The following BNC2 variants were observed in gnomAD, a reference collection of about 807,000 sequenced individuals.
The protein encoded by BNC2 is zinc finger protein basonuclin-2.
Under a neutral mutation model 76.3 loss-of-function variants are expected in BNC2, and 20 were observed. That is an observed-to-expected ratio of 0.26 (90% CI 0.18 to 0.38). The LOEUF (loss-of-function observed/expected upper bound fraction) is 0.38, where lower values mean the gene tolerates loss of function less well. BNC2 is among the 10% of genes least tolerant of loss of function. The pLI is 1.00. For synonymous variants in BNC2, 582 were observed against 514.8 expected, an observed-to-expected ratio of 1.13 and a Z score of -1.77; for missense variants, 1,382 against 1,399.8, an observed-to-expected ratio of 0.99 and a Z score of 0.20.
At chr9:16,657,847 G>A (rs1439718238) in intron 3 of BNC2, among the ~76,000 whole-genome samples, 4 of 152,160 alleles carry the variant, frequency 2.6e-5, no homozygotes, top group Admixed American at 1.3e-4. Flanking sequence ...AGCATAATTT[G>A]TGGGGGCTAC....
At chr9:16,739,853 T>C (rs1824789613) in intron 1 of BNC2, among the ~76,000 whole-genome samples, 1 of 152,232 alleles carries the variant, frequency 6.6e-6, no homozygotes, top group African/African-American at 2.4e-5. Flanking sequence ...ATGGTAGCAT[T>C]ATCAACAGAA....
chr9:16,614,292 C>T (rs1371417307), intron 3 of BNC2, among the ~76,000 whole-genome samples: 10 of 59,674 alleles, frequency 1.7e-4, no homozygotes, highest in African/African-American at 3.9e-4. Flanking sequence ...TCATAAAGAC[C>T]TTATTAGCAA....
intron 3 of BNC2, chr9:16,685,733 C>CT: frequency 1.6e-6 from 1 of 608,336 alleles, no homozygotes; most frequent in Admixed American, 2.4e-5. Context: ...CTGCGGGTCT[C>CT]TAACAGGTCA....
intron 1 of BNC2, among the ~76,000 whole-genome samples, chr9:16,844,566 C>T (rs184986873): frequency 5.7e-3 from 825 of 143,706 alleles, no homozygotes; most frequent in Non-Finnish European, 7.8e-3. Flanking sequence ...GGCGAGATCT[C>T]GGCTCACTGC....
chr9:16,640,423 G>C (rs1821459375), intron 3 of BNC2, among the ~76,000 whole-genome samples: 1 of 152,088 alleles, frequency 6.6e-6, no homozygotes, highest in Non-Finnish European at 1.5e-5. Flanking sequence ...AAACACATGA[G>C]GGATAAAATC....
intron 1 of BNC2, among the ~76,000 whole-genome samples, chr9:16,825,913 G>A (rs1174413208): frequency 6.6e-6 from 1 of 152,080 alleles, no homozygotes. Flanking sequence ...TGGACAGAGA[G>A]AAGGGACACT....
chr9:16,435,116 T>C (rs1334274779), intron 6 of BNC2: 2 of 471,070 alleles, frequency 4.2e-6, no homozygotes, highest in African/African-American at 2.0e-5. Context: ...TGGATAAATA[T>C]GTGTGTATGA....
chr9:16,633,422 T>C (rs1193656036), intron 3 of BNC2, among the ~76,000 whole-genome samples: 1 of 152,208 alleles, frequency 6.6e-6, no homozygotes, highest in African/African-American at 2.4e-5. Flanking sequence ...AAGCCTACTG[T>C]TACAATAACT....
chr9:16,551,923 A>C (rs112625607), intron 5 of BNC2, among the ~76,000 whole-genome samples: 11 of 152,324 alleles, frequency 7.2e-5, no homozygotes, highest in African/African-American at 2.6e-4. Flanking sequence ...TCAAGGCTGG[A>C]AGAACAGGTT....
intron 1 of BNC2, among the ~76,000 whole-genome samples, chr9:16,866,471 G>A (rs1319400370): frequency 6.6e-6 from 1 of 151,494 alleles, no homozygotes; most frequent in Non-Finnish European, 1.5e-5. Flanking sequence ...CTGAAGACTG[G>A]CCTCCTAAAA....
At chr9:16,681,916 G>C (rs1822832740) in intron 3 of BNC2, among the ~76,000 whole-genome samples, 1 of 152,052 alleles carries the variant, frequency 6.6e-6, no homozygotes, top group Admixed American at 6.6e-5. Flanking sequence ...TAACCTGAAA[G>C]AGGGGGTTGG....
At chr9:16,632,024 T>C (rs1821176547) in intron 3 of BNC2, among the ~76,000 whole-genome samples, 1 of 152,106 alleles carries the variant, frequency 6.6e-6, no homozygotes, top group African/African-American at 2.4e-5. Context: ...ATGACAAGAA[T>C]GGCAGACAGG....
chr9:16,531,834 A>G (rs555274381), intron 5 of BNC2, among the ~76,000 whole-genome samples: 3 of 152,240 alleles, frequency 2.0e-5, no homozygotes, highest in Admixed American at 2.0e-4. Context: ...ATTTTTTAAC[A>G]TATTATTTTA....
At chr9:16,789,346 G>A (rs1011992756) in intron 1 of BNC2, among the ~76,000 whole-genome samples, 1 of 151,890 alleles carries the variant, frequency 6.6e-6, no homozygotes, top group African/African-American at 2.4e-5. Context: ...AATAAAATGG[G>A]TCCATTTTAC....
At chr9:16,696,421 G>A (rs1331888299) in intron 3 of BNC2, among the ~76,000 whole-genome samples, 3 of 151,934 alleles carry the variant, frequency 2.0e-5, no homozygotes, top group East Asian at 3.9e-4. Context: ...GAATACCCTC[G>A]CCTGTATTCT....
chr9:16,581,100 G>A (rs1021142118), intron 4 of BNC2, among the ~76,000 whole-genome samples: 2 of 152,176 alleles, frequency 1.3e-5, no homozygotes, highest in Non-Finnish European at 2.9e-5. Context: ...ATGGGCTTGT[G>A]TTCTCCCAAA....
Position 16,413,871 on chromosome 9 carries a change from G to A in BNC2, c.*5118C>T, listed in dbSNP as rs1379109091. Reference sequence around the variant, plus strand: ...TAGCCTAGTATTAATTACAATCATGGCTTTGTTGTGTTGCTACAGTGGCAA... The same window carrying A: ...TAGCCTAGTATTAATTACAATCATGACTTTGTTGTGTTGCTACAGTGGCAA... On this transcript the variant is annotated 3_prime_UTR_variant, in exon 7 of 7. Transcript: ENST00000380672. 1.3e-5 allele frequency: 2 copies of A among 152,072 alleles called. No homozygotes were observed. Among genetic ancestry groups the A allele is most frequent in the African/African-American group, 4.8e-5 (2 of 41,378 alleles). 9.4% of individuals were successfully genotyped at this position (152,072 alleles called of 1,614,324 possible). A position where few individuals can be genotyped will look rare whatever the true frequency, so the allele number is the denominator to read the frequency against.
intron 1 of BNC2, among the ~76,000 whole-genome samples, chr9:16,845,608 C>T (rs1291234816): frequency 6.6e-6 from 1 of 152,054 alleles, no homozygotes; most frequent in Non-Finnish European, 1.5e-5. Context: ...GTAGTCCCAG[C>T]TACTTGGGAG....
chr9:16,600,785 T>G (rs556714204), intron 3 of BNC2, among the ~76,000 whole-genome samples: 1 of 152,146 alleles, frequency 6.6e-6, no homozygotes, highest in Non-Finnish European at 1.5e-5. Flanking sequence ...GCTAGGGTTA[T>G]ACATGAATAA....
Sources: allele counts gnomAD v4.1 joint callset (sites outside exome capture counted in the v4.1 genomes callset), GRCh38; gene constraint gnomAD v4.1.1; transcripts MANE v1.5; gene names NCBI Gene and HGNC (gene_info 2026-07-23, HGNC 2026-07-21).